Variants in DNAH1 observed in about 807,000 individuals in gnomAD.
DNAH1 encodes axonemal beta dynein heavy chain 1.
In DNAH1, 327 loss-of-function variants were observed where a neutral mutation model predicts 484.3. The observed-to-expected ratio is 0.68, with a 90% CI of 0.62 to 0.74. The LOEUF (loss-of-function observed/expected upper bound fraction) is 0.74. DNAH1 is among the 30% of genes least tolerant of loss of function. DNAH1 has a pLI of 0.00. For missense variants in DNAH1, 5,052 were observed against 5,546.8 expected (o/e 0.91, Z 2.83); for synonymous variants, 2,192 against 2,191.9 (o/e 1.00, Z 0.00).
chr3:52,321,526 G>A (rs748189831), intron 1 of DNAH1: 16 of 151,982 alleles, frequency 1.1e-4, no homozygotes, highest in Non-Finnish European at 2.1e-4. Flanking sequence ...CCAATTTCTT[G>A]TCATGTTCTC....
At chr3:52,392,746 C>T in intron 64 of DNAH1, 57 bp downstream of exon 64, 1 of 1,550,704 alleles carries the variant, frequency 6.4e-7, no homozygotes, top group South Asian at 1.2e-5. Flanking sequence ...CTGCCCCCCA[C>T]CTCTCCCTGC....
At chr3:52,340,025 C>T (rs928057741) in intron 8 of DNAH1, among the ~76,000 whole-genome samples, 2 of 152,184 alleles carry the variant, frequency 1.3e-5, no homozygotes, top group African/African-American at 4.8e-5. Context: ...CCTTAAGTCC[C>T]TTCCTTGTAG....
intron 15 of DNAH1, 130 bp downstream of exon 15, chr3:52,350,238 A>T: frequency 7.4e-7 from 1 of 1,344,316 alleles, no homozygotes; most frequent in Non-Finnish European, 1.0e-6. Context: ...GACAGAGGAC[A>T]GATGGGGTTT....
Position 52,375,306 on chromosome 3 carries a change from A to C in DNAH1, c.7052A>C (p.Asn2351Thr). The change falls in exon 45 of 78, where the codon AAC becomes ACC. Residue 2351 changes from asparagine to threonine, a missense_variant. Transcript: ENST00000420323. ...ATGGGCCCCCCGGGTGGAGGCAGGA[A>C]CACCGTCACCCCGCGGCTGATGCGT... ...CAMGPPGGGR[N>T]TVTPRLMRHF... The C allele has an allele frequency of 1.2e-6, 2 of 1,612,824 alleles. No individual in the cohort carries two copies. The highest frequency in any genetic ancestry group is 8.5e-7 in the Non-Finnish European group (1 of 1,179,478).
chr3:52,339,153 A>C (rs1010189916), intron 8 of DNAH1, among the ~76,000 whole-genome samples: 1 of 151,928 alleles, frequency 6.6e-6, no homozygotes, highest in Non-Finnish European at 1.5e-5. Context: ...GTATCTTTTT[A>C]TATATTGCTG....
In DNAH1 at chr3:52,364,811, G is replaced by C. The variant is rs748137758; in HGVS notation, c.5332-22G>C. On this transcript the variant is annotated intron_variant, in intron 33 of 77. Transcript: ENST00000420323. The surrounding 1 kb of genome is among the most constrained non-coding windows in gnomAD (Gnocchi z 4.2). ...GGGCAGCTGGCCCACTGCCCTGAAG[G>C]CTCAGCCGGCACCTGCTGCAGGAGC... The C allele has an allele frequency of 1.2e-6, 2 of 1,610,372 alleles. No individual in the cohort carries two copies. The highest frequency in any genetic ancestry group is 1.1e-5 in the South Asian group (1 of 90,788).
chr3:52,365,261 C>T (rs1039338731), intron 34 of DNAH1, among the ~76,000 whole-genome samples: 3 of 152,212 alleles, frequency 2.0e-5, no homozygotes, highest in Non-Finnish European at 4.4e-5. Flanking sequence ...CCCTCCTTCC[C>T]GTGTGGGCTG....
chr3:52,383,488 A>G lies in DNAH1; in HGVS notation c.8044A>G (p.Met2682Val), dbSNP rs1703951382. 1 of 1,613,920 alleles carries G rather than the reference A, an allele frequency of 6.2e-7. No homozygotes were observed. Among genetic ancestry groups the G allele is most frequent in the Non-Finnish European group, 8.5e-7 (1 of 1,179,854 alleles). The part of the protein sequence containing the change: ...ADEQDQIVST[M>V]RPYIQEQGLQ... ...CGAGCAGGACCAGATCGTCAGCACC[A>G]TGCGGCCCTATATCCAGGAGCAGGG... Residue 2682 changes from methionine to valine, a missense_variant, in exon 51 of 78, where the codon ATG becomes GTG. Physicochemically the swap from Met to Val is conservative, Grantham distance 21 (BLOSUM62 1). Transcript: ENST00000420323.
Position 52,346,733 on chromosome 3 carries a change from A to G in DNAH1, c.1918A>G (p.Met640Val), listed in dbSNP as rs1446976291. 6.2e-7 allele frequency: 1 copy of G among 1,613,124 alleles called. No individual in the cohort carries two copies. Reference sequence around the variant, plus strand: ...CAGCGTGCTCAACTGCACCGATGACATGGTCTGGGGTGACGACTTAATTAA... The same window carrying G: ...CAGCGTGCTCAACTGCACCGATGACGTGGTCTGGGGTGACGACTTAATTAA... ...CCSVLNCTDD[M>V]VWGDDLINSP... is the part of the protein sequence containing the mutation. Residue 640 changes from methionine to valine, a missense_variant, in exon 11 of 78, where the codon ATG becomes GTG. Met to Val is a conservative substitution (Grantham distance 21). Transcript: ENST00000420323.
rs1470937393 is a variant in DNAH1 at position 52,383,498 on chromosome 3, A to G, written c.8054A>G (p.Tyr2685Cys). The change falls in exon 51 of 78, where the codon TAT becomes TGT. Residue 2685 changes from tyrosine (Y) to cysteine (C), a missense_variant. By Grantham distance (194) the Tyr-to-Cys change is radical. This residue lies in a region of DNAH1 where 2,929 missense variants were observed against 3,409.4 expected (regional missense o/e 0.86). Coordinates refer to ENST00000420323, the MANE Select transcript of DNAH1 (RefSeq NM_015512.5). Reference sequence around the variant, plus strand: ...CAGATCGTCAGCACCATGCGGCCCTATATCCAGGAGCAGGGCCTACAGCCC... The same window carrying G: ...CAGATCGTCAGCACCATGCGGCCCTGTATCCAGGAGCAGGGCCTACAGCCC... Reference protein sequence around the residue: ...QDQIVSTMRPYIQEQGLQPTK... With the variant: ...QDQIVSTMRPCIQEQGLQPTK... 4 of 1,613,900 alleles carry G rather than the reference A, an allele frequency of 2.5e-6. No homozygotes were observed. In the South Asian group the frequency reaches 3.3e-5, roughly 13 times the overall value.
In DNAH1 at chr3:52,359,388, T is replaced by C. The variant is rs1175771187; in HGVS notation, c.4407+2T>C. 2 of 1,569,360 alleles carry C rather than the reference T, an allele frequency of 1.3e-6. No homozygotes were observed. The highest frequency in any genetic ancestry group is 1.2e-5 in the South Asian group (1 of 85,392). The stretch of plus-strand genomic sequence containing the variant: ...CTGTTCCCCCAGCTCTGCCAGCAGG[T>C]TGGAGTCAAGAGGACCCCTGTCTGT... On this transcript the variant is annotated splice_donor_variant, in intron 26 of 77. Transcript: ENST00000420323. LOFTEE classifies it high-confidence loss of function.
chr3:52,332,137 C>A lies in DNAH1; in HGVS notation c.1034-5C>A, dbSNP rs1205141841. 6.4e-7 allele frequency: 1 copy of A among 1,550,912 alleles called. No homozygotes were observed. The highest frequency in any genetic ancestry group is 2.0e-5 in the Admixed American group (1 of 51,172). On this transcript the variant is annotated splice_polypyrimidine_tract_variant and splice_region_variant and intron_variant, in intron 7 of 77. Transcript: ENST00000420323. ...GTCCCCTTCTCCCTCTCACCCGGCC[C>A]CCAGGAAGGCCACCCCTTCAGGTCT...
In DNAH1 at chr3:52,398,584, G is replaced by A. The variant is rs115960978; in HGVS notation, c.12090-266G>A. 0.022 allele frequency among the ~76,000 whole-genome samples: 3,424 copies of A among 152,256 alleles called. 130 individuals carry two copies. The highest frequency in any genetic ancestry group is 0.077 in the African/African-American group (3,193 of 41,522). ...ATTACAGGCATGAGCCACCGCACCT[G>A]GCCAACTCAGCCATATTTTTATTAT... On this transcript the variant is annotated intron_variant, in intron 75 of 77. Coordinates refer to ENST00000420323, the MANE Select transcript of DNAH1 (RefSeq NM_015512.5).
chr3:52,359,496 G>T, intron 26 of DNAH1, 110 bp downstream of exon 26: 1 of 1,448,282 alleles, frequency 6.9e-7, no homozygotes, highest in East Asian at 2.5e-5. Flanking sequence ...GAGGCCTGGG[G>T]TTGGGTCTAA....
chr3:52,396,278 C>A, intron 70 of DNAH1, 90 bp from the exon 71 acceptor site: 1 of 1,421,198 alleles, frequency 7.0e-7, no homozygotes, highest in Non-Finnish European at 9.5e-7. Context: ...TCGCCTGACC[C>A]ACCTCAGGGT....
intron 8 of DNAH1, among the ~76,000 whole-genome samples, chr3:52,333,687 T>TA (rs1169729359): frequency 6.6e-6 from 1 of 152,200 alleles, no homozygotes; most frequent in East Asian, 1.9e-4. Context: ...CCAGCCAACT[T>TA]ACCATTTTTC....
At chr3:52,354,788 A>ACAG in intron 20 of DNAH1, 55 bp from the exon 21 acceptor site, 3 of 1,564,114 alleles carry the variant, frequency 1.9e-6, no homozygotes, top group Non-Finnish European at 2.6e-6. Context: ...GGCTGGTCAG[A>ACAG]CAGCATCAGG....
At position 52,340,955 on chromosome 3, in the gene DNAH1, TCTTC is replaced by T. The variant is rs976323661; in HGVS notation, c.1287-3520_1287-3517del. 5.9e-5 allele frequency among the ~76,000 whole-genome samples: 9 copies of T among 152,194 alleles called. No individual in the cohort carries two copies. The East Asian group carries it at 7.7e-4, about 13-fold the overall frequency. On this transcript the variant is annotated intron_variant, in intron 8 of 77. Transcript: ENST00000420323. ...GTGGGTTTTGGTAGTGTTAGTTTTT[TCTTC>T]CTTCCTTCCTTCCTCCCTCCCTTCC...
At chr3:52,399,508 T>G in intron 76 of DNAH1, 37 bp from the exon 77 acceptor site, 1 of 1,541,110 alleles carries the variant, frequency 6.5e-7, no homozygotes, top group Non-Finnish European at 8.8e-7. Flanking sequence ...TTCTGGGTAT[T>G]GTTATGTGTG....
Sources: allele counts gnomAD v4.1 joint callset (sites outside exome capture counted in the v4.1 genomes callset), GRCh38; gene constraint gnomAD v4.1.1; regional missense constraint gnomAD v4.1.1; non-coding constraint Gnocchi (gnomAD v3.1); transcripts MANE v1.5; gene names NCBI Gene and HGNC (gene_info 2026-07-23, HGNC 2026-07-21).